The following SAMD5 variants were observed in gnomAD, a reference collection of about 807,000 sequenced individuals.
The protein encoded by SAMD5 is sterile alpha motif domain containing 5, also known as sterile alpha motif domain-containing protein 5.
SAMD5 carries 13 observed loss-of-function variants against 11.3 expected under a neutral mutation model. The observed-to-expected ratio is 1.15, with a 90% CI of 0.75 to 1.83. The LOEUF (loss-of-function observed/expected upper bound fraction) is 1.83. SAMD5 is among the 40% of genes most tolerant of loss of function. The probability of loss-of-function intolerance (pLI) is 0.00; values close to 1 mark genes in which losing one functional copy is unlikely to be tolerated. For synonymous variants in SAMD5, 129 were observed against 111.3 expected (o/e 1.16, Z -1.00); for missense variants, 255 against 239.1 (o/e 1.07, Z -0.44).
rs908524861 is a variant in SAMD5 at position 147,688,998 on chromosome 6, A to G, written c.163-48319A>G. ...CTGGAGATCCTTTTTAGAGTTTTCAATGTATTAAGTAGTGGAAGTATGTGT... is the reference window on the plus strand; with the variant it reads ...CTGGAGATCCTTTTTAGAGTTTTCAGTGTATTAAGTAGTGGAAGTATGTGT... On this transcript the variant is annotated intron_variant, in intron 1 of 1. Coordinates refer to the SAMD5 transcript ENST00000566741. 4.6e-5 allele frequency among the ~76,000 whole-genome samples: 7 copies of G among 152,346 alleles called. No individual in the cohort carries two copies. In the South Asian group the frequency reaches 6.2e-4, roughly 14 times the overall value.
At chr6:147,795,461 A>G in the SAMD5 span, among the ~76,000 whole-genome samples, 3 of 144,806 alleles carry the variant, frequency 2.1e-5, no homozygotes, top group Non-Finnish European at 4.5e-5. Context: ...AATCCAGTCT[A>G]TCATTGTTGG....
chr6:147,615,479 C>G (rs2128449533), intron 1 of SAMD5, among the ~76,000 whole-genome samples: 1 of 152,180 alleles, frequency 6.6e-6, no homozygotes, highest in African/African-American at 2.4e-5. Flanking sequence ...TTTTGGGCAC[C>G]TATTTTCTGT....
At chr6:147,517,768 G>T (rs1442061045) in intron 1 of SAMD5, among the ~76,000 whole-genome samples, 1 of 152,056 alleles carries the variant, frequency 6.6e-6, no homozygotes, top group East Asian at 1.9e-4. Flanking sequence ...TCTGGTTTGG[G>T]GTAAACACCT....
the SAMD5 span, among the ~76,000 whole-genome samples, chr6:147,907,774 G>A: frequency 2.6e-5 from 4 of 152,134 alleles, no homozygotes; most frequent in African/African-American, 4.8e-5. Flanking sequence ...CAAGACAGCA[G>A]CACAGGAAAC....
In SAMD5 at chr6:147,565,655, T is replaced by A; in HGVS notation, c.*1199T>A. 1.7e-6 allele frequency: 1 copy of A among 571,888 alleles called. No homozygotes were observed. The highest frequency in any genetic ancestry group is 7.7e-5 in the South Asian group (1 of 13,004). 35.4% of individuals were successfully genotyped at this position (571,888 alleles called of 1,614,324 possible). ...TTGTATTTTTAGTAGAGATGGGGTT[T>A]TACCATGTTGGCCAGGCTGTTCTTG... On this transcript the variant is annotated 3_prime_UTR_variant, in exon 2 of 2. Transcript: ENST00000367474.
chr6:147,726,461 A>G (rs1037326348), intron 1 of SAMD5, among the ~76,000 whole-genome samples: 11 of 152,244 alleles, frequency 7.2e-5, no homozygotes, highest in African/African-American at 2.2e-4. Flanking sequence ...AGGAAGATCA[A>G]GTCATGCTCC....
At chr6:147,800,590 G>T in the SAMD5 span, among the ~76,000 whole-genome samples, 10 of 152,214 alleles carry the variant, frequency 6.6e-5, no homozygotes, top group Non-Finnish European at 1.3e-4. Context: ...GCTGTGGTGG[G>T]CTCCACCCAG....
At chr6:147,694,870 T>C (rs1377420023) in intron 1 of SAMD5, among the ~76,000 whole-genome samples, 1 of 152,174 alleles carries the variant, frequency 6.6e-6, no homozygotes, top group Non-Finnish European at 1.5e-5. Context: ...TGCAGTGATA[T>C]TCTGGAAATT....
the SAMD5 span, among the ~76,000 whole-genome samples, chr6:147,766,743 G>C: frequency 6.6e-6 from 1 of 151,954 alleles, no homozygotes; most frequent in Non-Finnish European, 1.5e-5. Flanking sequence ...ACAGAAAAAT[G>C]ATAAAGAGAG....
chr6:147,802,996 CTG>C, the SAMD5 span, among the ~76,000 whole-genome samples: 1 of 152,198 alleles, frequency 6.6e-6, no homozygotes, highest in Non-Finnish European at 1.5e-5. Context: ...AGTCATCAAA[CTG>C]TGTACTTCAG....
the SAMD5 span, among the ~76,000 whole-genome samples, chr6:147,925,641 T>C: frequency 6.6e-6 from 1 of 151,810 alleles, no homozygotes; most frequent in Non-Finnish European, 1.5e-5. Context: ...AGAATGTATA[T>C]GTTCAACTAT....
chr6:147,847,511 G>T, the SAMD5 span, among the ~76,000 whole-genome samples: 1 of 152,146 alleles, frequency 6.6e-6, no homozygotes, highest in Non-Finnish European at 1.5e-5. Flanking sequence ...CTAAATACAA[G>T]AAGTCAATTT....
the SAMD5 span, among the ~76,000 whole-genome samples, chr6:147,885,204 A>C: frequency 6.6e-6 from 1 of 152,134 alleles, no homozygotes; most frequent in Non-Finnish European, 1.5e-5. Flanking sequence ...CACACCTGTA[A>C]TCCCAGCACT....
chr6:147,918,824 A>C, the SAMD5 span, among the ~76,000 whole-genome samples: 2 of 150,868 alleles, frequency 1.3e-5, no homozygotes, highest in South Asian at 2.1e-4. Flanking sequence ...CAGCCTCCCG[A>C]GTCCTGAGTA....
At chr6:147,849,730 C>T in the SAMD5 span, among the ~76,000 whole-genome samples, 56 of 152,218 alleles carry the variant, frequency 3.7e-4, no homozygotes, top group Non-Finnish European at 5.3e-4. Flanking sequence ...TCACAATCAC[C>T]GTCTCCTCTA....
Position 147,732,200 on chromosome 6 carries a change from C to A in SAMD5, c.163-5117C>A, listed in dbSNP as rs76211681. Among the ~76,000 whole-genome samples, 745 of 152,246 alleles carry A rather than the reference C, an allele frequency of 4.9e-3. 46 individuals carry two copies. In the East Asian group the frequency reaches 0.12, roughly 25 times the overall value. ...TTGCTTTGTAATTACAATTTCTAGG[C>A]CTTCTGAACAATTGCGTGACCCTTG... On this transcript the variant is annotated intron_variant, in intron 1 of 1. Transcript: ENST00000566741.
the SAMD5 span, among the ~76,000 whole-genome samples, chr6:147,936,145 A>G: frequency 1.3e-5 from 2 of 152,160 alleles, no homozygotes; most frequent in Non-Finnish European, 2.9e-5. Context: ...TCCTAGAGGT[A>G]TGCTAGGCAG....
the SAMD5 span, among the ~76,000 whole-genome samples, chr6:147,909,970 G>A: frequency 0.063 from 9,525 of 152,096 alleles, 412 homozygotes; most frequent in Non-Finnish European, 0.098. Flanking sequence ...ATCCCCATCT[G>A]AACTCATTTA....
At chr6:147,520,447 A>AGTGAGTAAACCATTAT (rs1362266797) in intron 1 of SAMD5, among the ~76,000 whole-genome samples, 1 of 152,220 alleles carries the variant, frequency 6.6e-6, no homozygotes, top group African/African-American at 2.4e-5. Context: ...CCTTACTGAC[A>AGTGAGTAAACCATTAT]GTGAGTAAAC....
Sources: allele counts gnomAD v4.1 joint callset (sites outside exome capture counted in the v4.1 genomes callset), GRCh38; gene constraint gnomAD v4.1.1; transcripts MANE v1.5; gene names NCBI Gene and HGNC (gene_info 2026-07-23, HGNC 2026-07-21).